The following DGKD variants were observed in gnomAD, a reference collection of about 807,000 sequenced individuals.
DGKD encodes the protein diacylglycerol kinase delta.
A neutral mutation model predicts 154.4 loss-of-function variants in DGKD; 68 were observed. That is an observed-to-expected ratio of 0.44 (90% CI 0.36 to 0.54). The LOEUF (loss-of-function observed/expected upper bound fraction) is 0.54, where lower values mean the gene tolerates loss of function less well. Among genes scored for constraint, DGKD ranks in the 20% least tolerant of loss-of-function variants. The pLI is 0.00. For synonymous variants in DGKD, 693 were observed against 638.0 expected (o/e 1.09, Z -1.30); for missense variants, 1,343 against 1,593.6 (o/e 0.84, Z 2.68).
chr2:233,396,201 C>T (rs183681492), intron 3 of DGKD, among the ~76,000 whole-genome samples: 2 of 152,270 alleles, frequency 1.3e-5, no homozygotes, highest in African/African-American at 4.8e-5. Flanking sequence ...GTTGCCTTCT[C>T]TCTTGTGCAA....
In DGKD at chr2:233,458,146, G is replaced by T; in HGVS notation, c.2581-138G>T. Reference sequence around the variant, plus strand: ...CTGGTTTCAGGGCCTGCAACATGAAGCCCGTCAGGAGTGCAGTTACCTGGT... The same window carrying T: ...CTGGTTTCAGGGCCTGCAACATGAATCCCGTCAGGAGTGCAGTTACCTGGT... On this transcript the variant is annotated intron_variant, in intron 21 of 29. Transcript: ENST00000264057. This position sits in a 1 kb window ranked among gnomAD's most constrained non-coding sequence, Gnocchi z 6.6. The T allele has an allele frequency of 3.6e-6, 2 of 548,474 alleles. No homozygotes were observed. The highest frequency in any genetic ancestry group is 2.6e-5 in the South Asian group (1 of 38,268). The allele number at this position is 548,474 out of a possible 1,614,324, so 34.0% of individuals were successfully genotyped here. A position where few individuals can be genotyped will look rare whatever the true frequency, so the allele number is the denominator to read the frequency against.
rs569799009 is a variant in DGKD, at chr2:233,357,936, G to A, written c.156+3262G>A. Among the ~76,000 whole-genome samples the A allele has an allele frequency of 2.0e-5, 3 of 152,324 alleles. No individual in the cohort carries two copies. The South Asian group carries it at 6.2e-4, about 32-fold the overall frequency. ...CCTTATGGCACACATGTAAAGAGAA[G>A]CCTCTCCAAACTTCAAATAATTCTT... On this transcript the variant is annotated intron_variant, in intron 1 of 29. Transcript: ENST00000264057.
intron 3 of DGKD, among the ~76,000 whole-genome samples, chr2:233,390,720 GT>G: frequency 6.6e-6 from 1 of 152,284 alleles, no homozygotes; most frequent in African/African-American, 2.4e-5. Context: ...TTTTATATGT[GT>G]TTTGGTTCAC....
chr2:233,422,663 C>G (rs2062159083), intron 3 of DGKD, among the ~76,000 whole-genome samples: 1 of 152,182 alleles, frequency 6.6e-6, no homozygotes, highest in Admixed American at 6.5e-5. Flanking sequence ...ACGCCCTTGT[C>G]CTTAAGAAAC....
chr2:233,388,655 C>T (rs1703359174), intron 2 of DGKD: 1 of 253,402 alleles, frequency 3.9e-6, no homozygotes, highest in Non-Finnish European at 7.4e-6. Context: ...ATATCTCTCT[C>T]TCAGAAAGGC....
chr2:233,465,348 G>A (rs1324712446), intron 27 of DGKD, among the ~76,000 whole-genome samples: 1 of 152,236 alleles, frequency 6.6e-6, no homozygotes, highest in African/African-American at 2.4e-5. Context: ...GAGAGGCTGG[G>A]AAGAGGACAT....
chr2:233,368,470 C>G (rs937669562), intron 1 of DGKD, among the ~76,000 whole-genome samples: 2 of 152,128 alleles, frequency 1.3e-5, no homozygotes, highest in East Asian at 1.9e-4. Context: ...CAAGATCACA[C>G]CACTGCACTC....
Position 233,436,393 on chromosome 2 carries a change from C to G in DGKD, c.771C>G (p.Gly257=), listed in dbSNP as rs1162505774. 1 of 1,614,136 alleles carries G rather than the reference C, an allele frequency of 6.2e-7. No individual in the cohort carries two copies. Among genetic ancestry groups the G allele is most frequent in the South Asian group, 1.1e-5 (1 of 91,084 alleles). Residue 257 remains glycine, a synonymous_variant, in exon 7 of 30, where the codon GGC becomes GGG. Coordinates refer to ENST00000264057, the MANE Select transcript of DGKD (RefSeq NM_152879.3). ...AKCTVCDKTC[G]SVLRLQDWRC... ...GCACTGTGTGCGACAAGACCTGTGG[C>G]AGTGTGCTGCGCCTGCAGGACTGGC... is the stretch of plus-strand genomic sequence containing the variant.
intron 1 of DGKD, among the ~76,000 whole-genome samples, chr2:233,362,682 C>G (rs554438024): frequency 6.6e-6 from 1 of 152,200 alleles, no homozygotes; most frequent in East Asian, 1.9e-4. Context: ...AAAGTAATAC[C>G]TGAGAATTTT....
intron 1 of DGKD, among the ~76,000 whole-genome samples, chr2:233,360,291 G>A (rs929090406): frequency 6.6e-6 from 1 of 151,896 alleles, no homozygotes; most frequent in Non-Finnish European, 1.5e-5. Context: ...CTGAGACAGG[G>A]TCTTGCTCGG....
chr2:233,384,490 C>G (rs558832989), intron 1 of DGKD, among the ~76,000 whole-genome samples: 1 of 152,106 alleles, frequency 6.6e-6, no homozygotes, highest in African/African-American at 2.4e-5. Flanking sequence ...CAGAGCTGGC[C>G]GTCGCCTTAC....
intron 3 of DGKD, among the ~76,000 whole-genome samples, chr2:233,402,493 G>A (rs780153514): frequency 8.5e-5 from 13 of 152,154 alleles, no homozygotes; most frequent in Admixed American, 6.5e-4. Context: ...ATGAATATGA[G>A]CTGGAAGAAG....
intron 5 of DGKD, 72 bp downstream of exon 5, chr2:233,434,973 C>T (rs2062641449): frequency 7.1e-6 from 11 of 1,548,098 alleles, no homozygotes; most frequent in Non-Finnish European, 9.6e-6. Flanking sequence ...CTTGGAAATC[C>T]AAACCCAGTC....
chr2:233,443,602 G>A (rs974401089), intron 10 of DGKD, among the ~76,000 whole-genome samples: 7 of 152,138 alleles, frequency 4.6e-5, no homozygotes, highest in African/African-American at 1.4e-4. Context: ...TCTGTGTGAC[G>A]TGGATGTATT....
At position 233,438,756 on chromosome 2, in the gene DGKD, A is replaced by G. The variant is rs1226797801; in HGVS notation, c.1085+377A>G. Among the ~76,000 whole-genome samples, 7 of 5,724 alleles carry G rather than the reference A, an allele frequency of 1.2e-3. No homozygotes were observed. Among genetic ancestry groups the G allele is most frequent in the Non-Finnish European group, 1.5e-3 (4 of 2,688 alleles). The allele number at this position is 5,724 out of a possible 152,430, so 3.8% of individuals were successfully genotyped here. On this transcript the variant is annotated intron_variant, in intron 9 of 29. Coordinates refer to ENST00000264057, the MANE Select transcript of DGKD (RefSeq NM_152879.3). The surrounding 1 kb of genome is among the most constrained non-coding windows in gnomAD (Gnocchi z 4.1). ...TTTTTTATTTATCTGTCTATCTATC[A>G]TCTATCTATCTATCTATCTATCTAT...
At chr2:233,451,403 G>A (rs776156105) in intron 17 of DGKD, among the ~76,000 whole-genome samples, 5 of 152,074 alleles carry the variant, frequency 3.3e-5, no homozygotes, top group Non-Finnish European at 5.9e-5. Context: ...TGCTTCTAGC[G>A]TGGTCGCAGG....
In DGKD at chr2:233,450,049, G is replaced by T. The variant is rs1478533414; in HGVS notation, c.1956G>T (p.Glu652Asp). Reference sequence around the variant, plus strand: ...TCGTCCTGGGCCTCTCTGAGTCAGAGGAGAAGATGGACCACAGAGTGTGCC... The same window carrying T: ...TCGTCCTGGGCCTCTCTGAGTCAGATGAGAAGATGGACCACAGAGTGTGCC... Reference protein sequence around the residue: ...EGFVLGLSESEEKMDHRVCPP... With the variant: ...EGFVLGLSESDEKMDHRVCPP... The change falls in exon 16 of 30, where the codon GAG (glutamate) becomes GAT (aspartate). Residue 652 changes from glutamate to aspartate, a missense_variant. Around this residue, in one of 6 missense-constraint regions of DGKD, gnomAD observed 409 missense variants for 446.0 expected, o/e 0.92. Coordinates refer to ENST00000264057, the MANE Select transcript of DGKD (RefSeq NM_152879.3). 6.2e-7 allele frequency: 1 copy of T among 1,610,696 alleles called. No homozygotes were observed. Among genetic ancestry groups the T allele is most frequent in the East Asian group, 2.2e-5 (1 of 44,876 alleles).
rs1350799990 is a variant in DGKD at position 233,441,849 on chromosome 2, A to G, written c.1086-38A>G. ...ACAAGCCTGTCATTTGTCCTGTGGA[A>G]TGGATGTCATTTCACGGCCTTTCTC... On this transcript the variant is annotated intron_variant, in intron 9 of 29. Transcript: ENST00000264057. This position sits in a 1 kb window ranked among gnomAD's most constrained non-coding sequence, Gnocchi z 5.6. The G allele has an allele frequency of 1.3e-6, 2 of 1,531,314 alleles. No homozygotes were observed. 94.9% of individuals were successfully genotyped at this position (1,531,314 alleles called of 1,614,324 possible).
chr2:233,380,676 GT>G (rs1702847607), intron 1 of DGKD, among the ~76,000 whole-genome samples: 24 of 151,974 alleles, frequency 1.6e-4, no homozygotes, highest in African/African-American at 4.8e-4. Flanking sequence ...GTGTGTGTGT[GT>G]GTGGGGGGGT....
Sources: gnomAD v4.1 joint callset for allele counts (sites outside exome capture counted in the v4.1 genomes callset) on GRCh38, gnomAD v4.1.1 for gene constraint, gnomAD v4.1.1 regional missense constraint, Gnocchi (gnomAD v3.1) non-coding constraint, MANE v1.5 for transcripts, NCBI Gene and HGNC (gene_info 2026-07-23, HGNC 2026-07-21) for gene names.